Variants in PTH2R observed in about 807,000 individuals in gnomAD.
PTH2R encodes the protein PTH2 receptor.
In PTH2R, 59 loss-of-function variants were observed where a neutral mutation model predicts 60.3. The observed-to-expected ratio is 0.98, with a 90% CI of 0.79 to 1.22. PTH2R has a LOEUF of 1.22. Ranked by LOEUF, PTH2R falls within the 50% of genes most tolerant of loss-of-function variation. The probability of loss-of-function intolerance (pLI) is 0.00; values close to 1 mark genes in which losing one functional copy is unlikely to be tolerated. For synonymous variants in PTH2R, 256 were observed against 243.8 expected, an observed-to-expected ratio of 1.05 and a Z score of -0.47; for missense variants, 749 against 682.6, an observed-to-expected ratio of 1.10 and a Z score of -1.08.
chr2:208,479,370 T>C (rs933512117), intron 9 of PTH2R, among the ~76,000 whole-genome samples: 8 of 152,176 alleles, frequency 5.3e-5, no homozygotes, highest in African/African-American at 1.9e-4. Context: ...GTGTGACAAA[T>C]GGCAATCCAG....
At chr2:208,436,973 C>A (rs528617571) in intron 2 of PTH2R, among the ~76,000 whole-genome samples, 1 of 152,082 alleles carries the variant, frequency 6.6e-6, no homozygotes, top group Admixed American at 6.6e-5. Context: ...CTTGGACTAT[C>A]GTGGTGACAG....
At chr2:208,417,388 C>T (rs1559213494) in intron 1 of PTH2R, among the ~76,000 whole-genome samples, 1 of 152,026 alleles carries the variant, frequency 6.6e-6, no homozygotes, top group African/African-American at 2.4e-5. Context: ...GATGTTTTTT[C>T]TCTTGGAGGC....
chr2:208,411,777 T>A (rs1184565235), intron 1 of PTH2R, among the ~76,000 whole-genome samples: 2 of 152,204 alleles, frequency 1.3e-5, no homozygotes, highest in Non-Finnish European at 2.9e-5. Flanking sequence ...ATCTCTTGGT[T>A]GTCTCCACTG....
chr2:208,473,937 G>GGTATCTTAGATTTTGTTGAGTCTTA (rs1702939958), intron 9 of PTH2R, among the ~76,000 whole-genome samples: 4 of 152,080 alleles, frequency 2.6e-5, no homozygotes, highest in African/African-American at 9.6e-5. Flanking sequence ...TGGAGCTGGG[G>GGTATCTTAGATTTTGTTGAGTCTTA]GTATCTTAGA....
intron 10 of PTH2R, among the ~76,000 whole-genome samples, chr2:208,483,641 T>A (rs1703209432): frequency 6.6e-6 from 1 of 152,230 alleles, no homozygotes; most frequent in East Asian, 1.9e-4. Flanking sequence ...CTACTCAGAA[T>A]TCAGAATAAC....
Position 208,480,156 on chromosome 2 carries a change from C to G in PTH2R, c.982-914C>G, listed in dbSNP as rs534695840. Among the ~76,000 whole-genome samples the G allele has an allele frequency of 8.5e-5, 13 of 152,254 alleles. No individual in the cohort carries two copies. The East Asian group carries it at 2.5e-3, about 29-fold the overall frequency. Reference sequence around the variant, plus strand: ...CTGAGGTGCACAAATCCTCTGATAACCAAAATTCTCTAACTTCTAGAAATG... The same window carrying G: ...CTGAGGTGCACAAATCCTCTGATAAGCAAAATTCTCTAACTTCTAGAAATG... On this transcript the variant is annotated intron_variant, in intron 9 of 12. Coordinates refer to ENST00000272847, the MANE Select transcript of PTH2R (RefSeq NM_005048.4).
In PTH2R at chr2:208,493,702, G is replaced by A. The variant is rs761934371; in HGVS notation, c.*43G>A. The A allele has an allele frequency of 6.6e-7, 1 of 1,507,128 alleles. No individual in the cohort carries two copies. Among genetic ancestry groups the A allele is most frequent in the South Asian group, 1.4e-5 (1 of 73,512 alleles). 93.4% of individuals were successfully genotyped at this position (1,507,128 alleles called of 1,614,324 possible). On this transcript the variant is annotated 3_prime_UTR_variant, in exon 13 of 13. Coordinates refer to ENST00000272847, the MANE Select transcript of PTH2R (RefSeq NM_005048.4). ...ACTTTCATGGGCTGGTCCAATGGCT[G>A]GTTGTGTGAGAGGGCTTGGCTGATA...
chr2:208,374,734 G>A (rs1305719135), intron 1 of PTH2R, among the ~76,000 whole-genome samples: 5 of 152,004 alleles, frequency 3.3e-5, no homozygotes, highest in Non-Finnish European at 7.3e-5. Flanking sequence ...TCGAACTCCT[G>A]ACCTCAGGTG....
intron 1 of PTH2R, among the ~76,000 whole-genome samples, chr2:208,387,853 A>G (rs530650382): frequency 5.3e-5 from 8 of 152,302 alleles, no homozygotes; most frequent in African/African-American, 1.7e-4. Context: ...CTCATGTTAA[A>G]TATCTTATTC....
chr2:208,452,694 G>T lies in PTH2R; in HGVS notation c.914+1885G>T, dbSNP rs540168814. Among the ~76,000 whole-genome samples the T allele has an allele frequency of 2.3e-4, 35 of 152,280 alleles. 1 individual carries two copies. In the South Asian group the frequency reaches 7.1e-3, roughly 31 times the overall value. On this transcript the variant is annotated intron_variant, in intron 8 of 12. Coordinates refer to ENST00000272847, the MANE Select transcript of PTH2R (RefSeq NM_005048.4). The stretch of plus-strand genomic sequence containing the variant: ...TTACCAGAACATTGGGTAATAATAC[G>T]TGATGTTGGAGGAAAGTAATAATGA...
At chr2:208,421,297 A>C (rs1051781071) in intron 1 of PTH2R, among the ~76,000 whole-genome samples, 3 of 152,120 alleles carry the variant, frequency 2.0e-5, no homozygotes, top group South Asian at 4.1e-4. Flanking sequence ...CTTCAGATTT[A>C]GTTTGAATTA....
At chr2:208,392,088 G>T (rs1164191227) in intron 1 of PTH2R, among the ~76,000 whole-genome samples, 1 of 152,220 alleles carries the variant, frequency 6.6e-6, no homozygotes, top group East Asian at 1.9e-4. Context: ...AACAGGTATT[G>T]AGAGTCGGGA....
intron 2 of PTH2R, among the ~76,000 whole-genome samples, chr2:208,428,615 C>T (rs543971167): frequency 2.0e-4 from 30 of 152,224 alleles, no homozygotes; most frequent in Non-Finnish European, 3.8e-4. Context: ...GATTTGCCCT[C>T]GACCATGCAG....
chr2:208,452,353 C>T (rs1343609941), intron 8 of PTH2R, among the ~76,000 whole-genome samples: 3 of 152,182 alleles, frequency 2.0e-5, no homozygotes, highest in Non-Finnish European at 2.9e-5. Flanking sequence ...GTGCTAAATA[C>T]TTGTTAGCAA....
chr2:208,420,369 A>G (rs187727334), intron 1 of PTH2R, among the ~76,000 whole-genome samples: 1 of 152,134 alleles, frequency 6.6e-6, no homozygotes, highest in African/African-American at 2.4e-5. Flanking sequence ...TTTCTTCTCC[A>G]TAGCAGTGGA....
At chr2:208,431,143 G>A (rs1701963607) in intron 2 of PTH2R, among the ~76,000 whole-genome samples, 1 of 151,880 alleles carries the variant, frequency 6.6e-6, no homozygotes, top group Admixed American at 6.6e-5. Flanking sequence ...TGCTATTTTG[G>A]TAATTTCTTC....
At chr2:208,368,810 G>A (rs567963617) in intron 1 of PTH2R, among the ~76,000 whole-genome samples, 1 of 152,144 alleles carries the variant, frequency 6.6e-6, no homozygotes, top group Non-Finnish European at 1.5e-5. Flanking sequence ...GAAGCTCAAG[G>A]TCAGTGCTTT....
chr2:208,441,358 G>T (rs1463651804), intron 4 of PTH2R, among the ~76,000 whole-genome samples: 5 of 152,180 alleles, frequency 3.3e-5, no homozygotes, highest in Non-Finnish European at 7.3e-5. Flanking sequence ...AAATGGATGA[G>T]TTCTGGTTCA....
chr2:208,477,369 A>G (rs897083), intron 9 of PTH2R, among the ~76,000 whole-genome samples: 121,366 of 152,154 alleles, frequency 0.8, 48,792 homozygotes, highest in African/African-American at 0.85. Flanking sequence ...ACCAAGTCTC[A>G]GAGACAGGAC....
Sources: allele counts gnomAD v4.1 joint callset (sites outside exome capture counted in the v4.1 genomes callset), GRCh38; gene constraint gnomAD v4.1.1; transcripts MANE v1.5; gene names NCBI Gene and HGNC (gene_info 2026-07-23, HGNC 2026-07-21).